EFR3B: variants seen among roughly 807,000 people sequenced by gnomAD.
The protein encoded by EFR3B is protein EFR3 homolog B.
Under a neutral mutation model 104.7 loss-of-function variants are expected in EFR3B, and 64 were observed. The observed-to-expected ratio is 0.61, with a 90% confidence interval of 0.50 to 0.75. EFR3B has a LOEUF of 0.75. Ranked by LOEUF, EFR3B falls within the 30% of genes least tolerant of loss-of-function variation. EFR3B has a pLI of 0.00. For missense variants in EFR3B, 750 were observed against 1,078.5 expected (o/e 0.70, Z 4.27); for synonymous variants, 385 against 417.9 (o/e 0.92, Z 0.96).
chr2:25,051,321 G>T (rs1667862309), intron 1 of EFR3B, among the ~76,000 whole-genome samples: 1 of 151,960 alleles, frequency 6.6e-6, no homozygotes, highest in South Asian at 2.1e-4. Context: ...CACCCTGTTG[G>T]CCAGGCGGGT....
chr2:25,103,825 G>T (rs376322848), intron 4 of EFR3B, 38 bp downstream of exon 4: 64 of 1,547,080 alleles, frequency 4.1e-5, no homozygotes, highest in African/African-American at 5.5e-5. Context: ...TCTCCCAGCC[G>T]CATCCTGGGG....
rs569003259 is a variant in EFR3B, at chr2:25,103,783, A to G, written c.359A>G (p.Asn120Ser). Reference protein sequence around the residue: ...EKPNLQILGTNSFVKFANIEE... With the variant: ...EKPNLQILGTSSFVKFANIEE... ...CCCAACCTGCAGATCCTCGGCACCA[A>G]CTCGGTAAGGAGCGGCCCAGGGGGC... is the stretch of plus-strand genomic sequence containing the variant. Residue 120 changes from asparagine (N) to serine (S), a missense_variant, in exon 4 of 23, where the codon AAC becomes AGC. Transcript: ENST00000403714. The G allele has an allele frequency of 6.4e-7, 1 of 1,550,714 alleles. No homozygotes were observed. The highest frequency in any genetic ancestry group is 1.4e-5 in the African/African-American group (1 of 72,916).
At chr2:25,048,960 C>A (rs1186210325) in intron 1 of EFR3B, among the ~76,000 whole-genome samples, 4 of 152,172 alleles carry the variant, frequency 2.6e-5, no homozygotes, top group Non-Finnish European at 5.9e-5. Flanking sequence ...AGACTAGTTA[C>A]ATATTGTCCA....
chr2:25,075,701 T>C (rs902644666), intron 1 of EFR3B, among the ~76,000 whole-genome samples: 23 of 152,206 alleles, frequency 1.5e-4, no homozygotes, highest in Non-Finnish European at 1.3e-4. Flanking sequence ...TTTTTACAAG[T>C]CAACATATTA....
intron 1 of EFR3B, among the ~76,000 whole-genome samples, chr2:25,075,878 C>A (rs1226324329): frequency 6.6e-6 from 1 of 152,168 alleles, no homozygotes; most frequent in African/African-American, 2.4e-5. Flanking sequence ...ACTTGTGTTT[C>A]CTCATGGAGC....
intron 5 of EFR3B, among the ~76,000 whole-genome samples, chr2:25,122,696 G>A (rs769685412): frequency 3.3e-5 from 5 of 152,054 alleles, no homozygotes; most frequent in Admixed American, 6.6e-5. Flanking sequence ...CCCCTTGTCA[G>A]TGAAGCTGCC....
intron 20 of EFR3B, among the ~76,000 whole-genome samples, chr2:25,150,830 C>T (rs111681802): frequency 0.03 from 4,601 of 152,126 alleles, 216 homozygotes; most frequent in African/African-American, 0.1. Flanking sequence ...AGGCTGGTCT[C>T]GAACTCCTGA....
chr2:25,065,959 T>G (rs552424192), intron 1 of EFR3B, among the ~76,000 whole-genome samples: 3 of 152,200 alleles, frequency 2.0e-5, no homozygotes, highest in Non-Finnish European at 2.9e-5. Flanking sequence ...GTAGCCTGTG[T>G]TCCACCCACC....
At chr2:25,144,323 G>A (rs1366023957) in intron 18 of EFR3B, among the ~76,000 whole-genome samples, 1 of 152,136 alleles carries the variant, frequency 6.6e-6, no homozygotes, top group African/African-American at 2.4e-5. Context: ...CGGATGGATT[G>A]CCTAAGCTCA....
intron 1 of EFR3B, among the ~76,000 whole-genome samples, chr2:25,045,546 C>T (rs1667690590): frequency 6.6e-6 from 1 of 152,214 alleles, no homozygotes; most frequent in Non-Finnish European, 1.5e-5. Flanking sequence ...CTTTAGGAGG[C>T]TGAGGCGGGC....
intron 17 of EFR3B, among the ~76,000 whole-genome samples, chr2:25,141,956 A>G (rs1020954493): frequency 3.3e-5 from 5 of 152,248 alleles, no homozygotes; most frequent in Non-Finnish European, 5.9e-5. Flanking sequence ...GGTCAATAAA[A>G]TAGATCACAG....
At chr2:25,115,170 A>C (rs2149197590) in intron 4 of EFR3B, among the ~76,000 whole-genome samples, 1 of 152,270 alleles carries the variant, frequency 6.6e-6, no homozygotes, top group East Asian at 1.9e-4. Flanking sequence ...GACAGGAGTG[A>C]GATACTGTCT....
At chr2:25,080,764 G>T in intron 1 of EFR3B, 1 of 1,289,256 alleles carries the variant, frequency 7.8e-7, no homozygotes, top group Non-Finnish European at 1.1e-6. Context: ...TTGGCGTTAG[G>T]CTGAATTAGA....
chr2:25,129,478 A>G (rs1238508331), intron 6 of EFR3B, among the ~76,000 whole-genome samples: 1 of 151,958 alleles, frequency 6.6e-6, no homozygotes, highest in East Asian at 1.9e-4. Flanking sequence ...TGTTCTGTCC[A>G]GATGTGGGCC....
intron 18 of EFR3B, 68 bp from the exon 19 acceptor site, chr2:25,144,892 G>T: frequency 7.2e-7 from 1 of 1,387,214 alleles, no homozygotes; most frequent in Non-Finnish European, 1.0e-6. Context: ...TAGGGAGGTG[G>T]GACTAGCAGC....
chr2:25,076,449 T>C (rs1180184305), intron 1 of EFR3B, among the ~76,000 whole-genome samples: 1 of 152,154 alleles, frequency 6.6e-6, no homozygotes, highest in African/African-American at 2.4e-5. Context: ...ACTTATCTAG[T>C]CTTCACCACA....
intron 1 of EFR3B, among the ~76,000 whole-genome samples, chr2:25,088,494 A>G (rs1669021070): frequency 6.6e-6 from 1 of 152,028 alleles, no homozygotes; most frequent in Non-Finnish European, 1.5e-5. Context: ...AGCCCTGCTA[A>G]GATGTACCAA....
At chr2:25,124,763 AG>A (rs1670120032) in intron 5 of EFR3B, among the ~76,000 whole-genome samples, 6 of 106,670 alleles carry the variant, frequency 5.6e-5, no homozygotes, top group Non-Finnish European at 1.2e-4. Flanking sequence ...AAAAAAAAAA[AG>A]GAGCAGTAAG....
chr2:25,062,637 G>T (rs1668226467), intron 1 of EFR3B, among the ~76,000 whole-genome samples: 1 of 152,224 alleles, frequency 6.6e-6, no homozygotes, highest in Non-Finnish European at 1.5e-5. Flanking sequence ...AGGGCCGCAG[G>T]CTACTAGACA....
Sources: allele counts gnomAD v4.1 joint callset (sites outside exome capture counted in the v4.1 genomes callset), GRCh38; gene constraint gnomAD v4.1.1; transcripts MANE v1.5; gene names NCBI Gene and HGNC (gene_info 2026-07-23, HGNC 2026-07-21).